Variants in FREM3 observed in about 807,000 individuals in gnomAD.
The protein encoded by FREM3 is FRAS1-related extracellular matrix protein 3.
In FREM3, 105 loss-of-function variants were observed where a neutral mutation model predicts 129.1. The ratio of observed to expected loss-of-function variants is 0.81; its 90% CI spans 0.69 to 0.96. The LOEUF (loss-of-function observed/expected upper bound fraction) is 0.96. FREM3 is among the 40% of genes least tolerant of loss of function. The pLI is 0.00. For missense variants in FREM3, 2,593 were observed against 2,666.3 expected (o/e 0.97, Z 0.61); for synonymous variants, 1,014 against 1,044.9 (o/e 0.97, Z 0.57).
chr4:143,603,654 C>A (rs1048508091), intron 6 of FREM3, among the ~76,000 whole-genome samples: 4 of 151,934 alleles, frequency 2.6e-5, no homozygotes, highest in African/African-American at 9.7e-5. Flanking sequence ...GAAAAAAAAA[C>A]CTTTTTATCT....
At position 143,697,136 on chromosome 4, in the gene FREM3, G is replaced by C; in HGVS notation, c.3540C>G (p.Val1180=). ...CSDGINFSPN[V]FFPIIILPTN... is the part of the protein sequence containing the mutation. ...TGGGTAGGATGATTATAGGGAAGAA[G>C]ACATTTGGGGAGAAGTTGATGCCAT... Residue 1180 remains valine (V), a synonymous_variant, in exon 1 of 8, where the codon GTC becomes GTG. Transcript: ENST00000329798. 1 of 1,537,880 alleles carries C rather than the reference G, an allele frequency of 6.5e-7. No individual in the cohort carries two copies. The highest frequency in any genetic ancestry group is 8.7e-7 in the Non-Finnish European group (1 of 1,147,048).
chr4:143,629,852 CTCTG>C (rs1310253819), intron 2 of FREM3, among the ~76,000 whole-genome samples: 2 of 152,246 alleles, frequency 1.3e-5, no homozygotes, highest in South Asian at 2.1e-4. Flanking sequence ...TAGTCCAGTG[CTCTG>C]TCTTTCACTC....
intron 6 of FREM3, among the ~76,000 whole-genome samples, chr4:143,592,904 A>G (rs968485009): frequency 1.2e-4 from 18 of 152,122 alleles, no homozygotes; most frequent in African/African-American, 4.3e-4. Context: ...GTCTTTTCAC[A>G]TAGTCCCATA....
chr4:143,670,356 G>T (rs576796338), intron 2 of FREM3, among the ~76,000 whole-genome samples: 28 of 152,222 alleles, frequency 1.8e-4, no homozygotes, highest in African/African-American at 6.3e-4. Flanking sequence ...TTTCACTTCT[G>T]AAGAGTTGTT....
Position 143,595,882 on chromosome 4 carries a change from C to T in FREM3, c.6029-9889G>A, listed in dbSNP as rs76249538. On this transcript the variant is annotated intron_variant, in intron 6 of 7. Transcript: ENST00000329798. Reference sequence around the variant, plus strand: ...CAGTCTGGGCGACAGAGCGAGACGCCATCTCAGAAAAAAAAAAAAAAAGAA... The same window carrying T: ...CAGTCTGGGCGACAGAGCGAGACGCTATCTCAGAAAAAAAAAAAAAAAGAA... 8.1e-3 allele frequency among the ~76,000 whole-genome samples: 426 copies of T among 52,536 alleles called. 1 individual carries two copies. The highest frequency in any genetic ancestry group is 0.024 in the African/African-American group (376 of 15,830). The allele number at this position is 52,536 out of a possible 152,430, so 34.5% of individuals were successfully genotyped here. A position where few individuals can be genotyped will look rare whatever the true frequency, so the allele number is the denominator to read the frequency against.
chr4:143,684,788 G>A (rs1255880803), intron 2 of FREM3, among the ~76,000 whole-genome samples: 1 of 152,082 alleles, frequency 6.6e-6, no homozygotes, highest in Non-Finnish European at 1.5e-5. Flanking sequence ...AAATATTCAG[G>A]GAAATAGATA....
At chr4:143,584,988 C>G (rs922254749) in intron 7 of FREM3, among the ~76,000 whole-genome samples, 1 of 152,148 alleles carries the variant, frequency 6.6e-6, no homozygotes, top group Non-Finnish European at 1.5e-5. Flanking sequence ...CAAAACCATA[C>G]AATTACATGG....
chr4:143,583,334 T>C (rs747074855), intron 7 of FREM3, among the ~76,000 whole-genome samples: 11 of 152,150 alleles, frequency 7.2e-5, no homozygotes, highest in Non-Finnish European at 1.2e-4. Flanking sequence ...CTACGACTCA[T>C]TGGCATCCCT....
chr4:143,586,713 A>G (rs536139644), intron 6 of FREM3, among the ~76,000 whole-genome samples: 30 of 152,236 alleles, frequency 2.0e-4, no homozygotes, highest in Admixed American at 3.9e-4. Flanking sequence ...ACACTTATCC[A>G]TACCCCGTTC....
intron 7 of FREM3, among the ~76,000 whole-genome samples, chr4:143,578,351 G>T (rs1738076513): frequency 6.6e-6 from 1 of 152,042 alleles, no homozygotes; most frequent in African/African-American, 2.4e-5. Flanking sequence ...ATTTTTTCAA[G>T]CTGGTCCACC....
In FREM3 at chr4:143,696,362, T is replaced by G; in HGVS notation, c.4314A>C (p.Glu1438Asp). 6.5e-7 allele frequency: 1 copy of G among 1,537,420 alleles called. No homozygotes were observed. Among genetic ancestry groups the G allele is most frequent in the Non-Finnish European group, 8.7e-7 (1 of 1,146,954 alleles). The change falls in exon 1 of 8, where the codon GAA (glutamate) becomes GAC (aspartate). Residue 1438 changes from glutamate (E) to aspartate (D), a missense_variant. Glu to Asp is a conservative substitution (Grantham distance 45). Coordinates refer to ENST00000329798, the MANE Select transcript of FREM3 (RefSeq NM_001168235.2). ...EVISKRITLI[E>D]GARVTLTNNL... is the part of the protein sequence containing the mutation. ...TGTTGGTAAGGGTCACTCTGGCACC[T>G]TCTATCAAGGTGATCCTTTTGCTGA...
rs761010105 is a variant in FREM3, at chr4:143,697,839, G to A, written c.2837C>T (p.Ser946Phe). Residue 946 changes from serine (S) to phenylalanine (F), a missense_variant, in exon 1 of 8, where the codon TCT becomes TTT. Transcript: ENST00000329798. ...ATCCAATAATGAACTACTTCTGAGA[G>A]AGATCCTAGGACTTCTGTTAGCCAC... ...PNVANRSPRI[S>F]LRSSSLLDVS... is the part of the protein sequence containing the mutation. 1.4e-5 allele frequency: 21 copies of A among 1,537,634 alleles called. No homozygotes were observed. Among genetic ancestry groups the A allele is most frequent in the Non-Finnish European group, 8.7e-7 (1 of 1,147,008 alleles).
chr4:143,699,285 T>C lies in FREM3; in HGVS notation c.1391A>G (p.Asn464Ser). ...TGCAGCCATTTTCACCTCTTCCAGGTTATCTTTATCACTGATAGGAATGCT... is the reference window on the plus strand; with the variant it reads ...TGCAGCCATTTTCACCTCTTCCAGGCTATCTTTATCACTGATAGGAATGCT... ...THSIPISDKD[N>S]LEEVKMAAVR... The change falls in exon 1 of 8, where the codon AAC (asparagine) becomes AGC (serine). Residue 464 changes from asparagine (N) to serine (S), a missense_variant. Coordinates refer to ENST00000329798, the MANE Select transcript of FREM3 (RefSeq NM_001168235.2). This position sits in a 1 kb window ranked among gnomAD's most constrained non-coding sequence, Gnocchi z 4.2. 6.5e-7 allele frequency: 1 copy of C among 1,537,316 alleles called. No individual in the cohort carries two copies. The highest frequency in any genetic ancestry group is 1.4e-5 in the African/African-American group (1 of 73,154).
intron 2 of FREM3, among the ~76,000 whole-genome samples, chr4:143,636,803 A>G (rs1055805629): frequency 6.6e-6 from 1 of 152,154 alleles, no homozygotes; most frequent in East Asian, 1.9e-4. Context: ...TTGAAAATGC[A>G]TTTAATAAAT....
chr4:143,668,671 T>C (rs1011377175), intron 2 of FREM3, among the ~76,000 whole-genome samples: 6 of 152,248 alleles, frequency 3.9e-5, no homozygotes, highest in Non-Finnish European at 7.3e-5. Context: ...TTTCATGTTT[T>C]ACTATATGGT....
chr4:143,662,399 T>G (rs962732310), intron 2 of FREM3, among the ~76,000 whole-genome samples: 1 of 152,236 alleles, frequency 6.6e-6, no homozygotes, highest in African/African-American at 2.4e-5. Context: ...TGAGTGGTTT[T>G]GAGTGAGTTT....
intron 6 of FREM3, among the ~76,000 whole-genome samples, chr4:143,590,799 T>A (rs1738345349): frequency 6.6e-6 from 1 of 152,156 alleles, no homozygotes; most frequent in Non-Finnish European, 1.5e-5. Flanking sequence ...ATTGGAATAG[T>A]TTCAGAAGAA....
At chr4:143,668,606 T>G (rs1045408040) in intron 2 of FREM3, among the ~76,000 whole-genome samples, 1 of 152,366 alleles carries the variant, frequency 6.6e-6, no homozygotes, top group African/African-American at 2.4e-5. Flanking sequence ...AGTTTGGTGC[T>G]ATTGCTAGGG....
At chr4:143,622,247 C>G (rs1333244628) in intron 4 of FREM3, among the ~76,000 whole-genome samples, 2 of 151,838 alleles carry the variant, frequency 1.3e-5, no homozygotes, top group East Asian at 1.9e-4. Context: ...GCATGCGCTA[C>G]CAGGCCTGGT....
Sources: gnomAD v4.1 joint callset for allele counts (sites outside exome capture counted in the v4.1 genomes callset) on GRCh38, gnomAD v4.1.1 for gene constraint, Gnocchi (gnomAD v3.1) non-coding constraint, MANE v1.5 for transcripts, NCBI Gene and HGNC (gene_info 2026-07-23, HGNC 2026-07-21) for gene names.